Variants in SFXN5 observed in about 807,000 individuals in gnomAD.
SFXN5 encodes the protein sideroflexin-5.
A neutral mutation model predicts 50.2 loss-of-function variants in SFXN5; 43 were observed. The ratio of observed to expected loss-of-function variants is 0.86; its 90% CI spans 0.67 to 1.11. The LOEUF (loss-of-function observed/expected upper bound fraction) is 1.11, where lower values mean the gene tolerates loss of function less well. SFXN5 is among the 50% of genes least tolerant of loss of function. SFXN5 has a pLI of 0.00. For missense variants in SFXN5, 463 were observed against 454.1 expected, an observed-to-expected ratio of 1.02 and a Z score of -0.18; for synonymous variants, 203 against 185.8, an observed-to-expected ratio of 1.09 and a Z score of -0.75.
chr2:73,041,242 T>C (rs1043188291), intron 2 of SFXN5, among the ~76,000 whole-genome samples: 3 of 152,322 alleles, frequency 2.0e-5, no homozygotes, highest in Admixed American at 2.0e-4. Flanking sequence ...ACATATCAAA[T>C]AATATTTCCT....
At chr2:73,038,867 C>T (rs1320810994) in intron 3 of SFXN5, among the ~76,000 whole-genome samples, 5 of 152,098 alleles carry the variant, frequency 3.3e-5, no homozygotes, top group African/African-American at 1.2e-4. Flanking sequence ...AACAAACAGA[C>T]TAGGCCTGCA....
At chr2:73,035,349 T>C (rs540000234) in intron 3 of SFXN5, among the ~76,000 whole-genome samples, 4 of 152,202 alleles carry the variant, frequency 2.6e-5, no homozygotes, top group Non-Finnish European at 5.9e-5. Context: ...CATTTTTGTA[T>C]ACCATGGTTT....
intron 2 of SFXN5, among the ~76,000 whole-genome samples, chr2:73,052,899 C>T (rs1463735246): frequency 6.6e-6 from 1 of 152,192 alleles, no homozygotes; most frequent in Non-Finnish European, 1.5e-5. Context: ...CCCACATGGC[C>T]AGACACAGTG....
intron 10 of SFXN5, among the ~76,000 whole-genome samples, chr2:72,986,261 C>T (rs995347749): frequency 6.6e-6 from 1 of 152,212 alleles, no homozygotes; most frequent in African/African-American, 2.4e-5. Context: ...ATTCATTAGT[C>T]TCTGGGTCAT....
intron 6 of SFXN5, among the ~76,000 whole-genome samples, chr2:73,005,980 C>A (rs1674585498): frequency 6.6e-6 from 1 of 152,132 alleles, no homozygotes; most frequent in Non-Finnish European, 1.5e-5. Flanking sequence ...GCACCCATAC[C>A]CTTGCCACGG....
chr2:72,985,950 G>C (rs940294100), intron 10 of SFXN5, among the ~76,000 whole-genome samples: 1 of 152,146 alleles, frequency 6.6e-6, no homozygotes, highest in Non-Finnish European at 1.5e-5. Context: ...ATGGGCCCCC[G>C]GCAAAGTTCT....
chr2:73,071,467 G>C (rs910408017), intron 1 of SFXN5, 137 bp downstream of exon 1: 1 of 728,470 alleles, frequency 1.4e-6, no homozygotes, highest in Admixed American at 2.8e-5. Context: ...CTGTGACCGA[G>C]GTTCCCCCCC....
intron 3 of SFXN5, among the ~76,000 whole-genome samples, chr2:73,039,319 C>T (rs1022169045): frequency 5.9e-5 from 9 of 152,008 alleles, no homozygotes; most frequent in South Asian, 4.1e-4. Flanking sequence ...TGAAAGGCCG[C>T]GGGAGGGTAC....
intron 2 of SFXN5, among the ~76,000 whole-genome samples, chr2:73,055,598 CT>C (rs570909541): frequency 0.074 from 9,908 of 133,758 alleles, 235 homozygotes; most frequent in Admixed American, 0.091. Flanking sequence ...TTTTCTTTTT[CT>C]TTTTTTTTTT....
At chr2:73,047,261 T>TATATATATATACACAC (rs1680555601) in intron 2 of SFXN5, among the ~76,000 whole-genome samples, 2 of 75,406 alleles carry the variant, frequency 2.7e-5, no homozygotes, top group Non-Finnish European at 4.9e-5. Context: ...TATATATATA[T>TATATATATATACACAC]ATATATATAT....
At chr2:73,065,607 G>A (rs572957608) in intron 1 of SFXN5, among the ~76,000 whole-genome samples, 9 of 152,210 alleles carry the variant, frequency 5.9e-5, no homozygotes, top group Non-Finnish European at 1.0e-4. Context: ...ATGTTGGCCA[G>A]GCTGGTCTTG....
Position 72,943,599 on chromosome 2 carries a change from G to A in SFXN5, c.*1423C>T, listed in dbSNP as rs1671642848. Reference sequence around the variant, plus strand: ...GCCTCTGAGGCTGCCAGAGTGAGAGGCGACACATGGGTATGGCCCCACCAT... The same window carrying A: ...GCCTCTGAGGCTGCCAGAGTGAGAGACGACACATGGGTATGGCCCCACCAT... On this transcript the variant is annotated 3_prime_UTR_variant, in exon 14 of 14. Coordinates refer to ENST00000272433, the MANE Select transcript of SFXN5 (RefSeq NM_144579.3). The A allele has an allele frequency of 6.5e-6, 1 of 152,916 alleles. No individual in the cohort carries two copies. The highest frequency in any genetic ancestry group is 2.4e-5 in the African/African-American group (1 of 41,474). 9.5% of individuals were successfully genotyped at this position (152,916 alleles called of 1,614,324 possible). A position where few individuals can be genotyped will look rare whatever the true frequency, so the allele number is the denominator to read the frequency against.
intron 2 of SFXN5, among the ~76,000 whole-genome samples, chr2:73,051,849 A>G (rs1681374382): frequency 6.6e-6 from 1 of 152,128 alleles, no homozygotes; most frequent in Non-Finnish European, 1.5e-5. Flanking sequence ...CACAGGGAAG[A>G]AGGCAGAAAG....
chr2:72,991,578 G>A (rs1406558129), intron 9 of SFXN5, among the ~76,000 whole-genome samples: 2 of 152,244 alleles, frequency 1.3e-5, no homozygotes, highest in Non-Finnish European at 2.9e-5. Flanking sequence ...CCCAGCCCAG[G>A]TCTTACCGCC....
intron 10 of SFXN5, among the ~76,000 whole-genome samples, chr2:72,986,665 A>G (rs1202024659): frequency 1.3e-5 from 2 of 152,128 alleles, no homozygotes; most frequent in African/African-American, 2.4e-5. Context: ...ACTGCTCTCA[A>G]TACTGTTTAT....
chr2:73,004,924 T>C (rs970262481), intron 6 of SFXN5, among the ~76,000 whole-genome samples: 1 of 152,180 alleles, frequency 6.6e-6, no homozygotes. Flanking sequence ...AGCTCTCAGA[T>C]GTATATCTCT....
chr2:73,055,694 G>T (rs1374189467), intron 2 of SFXN5, among the ~76,000 whole-genome samples: 1 of 150,090 alleles, frequency 6.7e-6, no homozygotes, highest in East Asian at 2.0e-4. Flanking sequence ...TCGCCTCACT[G>T]CAAGCTCCGC....
At chr2:73,050,646 G>A (rs1681181488) in intron 2 of SFXN5, among the ~76,000 whole-genome samples, 1 of 152,188 alleles carries the variant, frequency 6.6e-6, no homozygotes, top group Non-Finnish European at 1.5e-5. Context: ...TTGGCACTCT[G>A]GGTCTGTGAT....
chr2:73,033,931 C>T (rs1287337308), intron 3 of SFXN5, among the ~76,000 whole-genome samples: 2 of 152,184 alleles, frequency 1.3e-5, no homozygotes, highest in Non-Finnish European at 2.9e-5. Context: ...TAAACACCCT[C>T]AGTACACTGG....
Sources: allele counts gnomAD v4.1 joint callset (sites outside exome capture counted in the v4.1 genomes callset), GRCh38; gene constraint gnomAD v4.1.1; transcripts MANE v1.5; gene names NCBI Gene and HGNC (gene_info 2026-07-23, HGNC 2026-07-21).